Variants in IGF1R observed in about 807,000 individuals in gnomAD.
IGF1R encodes insulin like growth factor 1 receptor.
A neutral mutation model predicts 144.6 loss-of-function variants in IGF1R; 44 were observed. The observed-to-expected ratio is 0.30, with a 90% CI of 0.24 to 0.39. The LOEUF (loss-of-function observed/expected upper bound fraction) is 0.39, where lower values mean the gene tolerates loss of function less well. IGF1R is among the 10% of genes least tolerant of loss of function. IGF1R has a pLI of 1.00. For missense variants in IGF1R, 1,355 were observed against 1,833.7 expected, an observed-to-expected ratio of 0.74 and a Z score of 4.77; for synonymous variants, 795 against 722.8, an observed-to-expected ratio of 1.10 and a Z score of -1.60.
At chr15:98,688,213 C>G (rs549728336) in intron 1 of IGF1R, among the ~76,000 whole-genome samples, 179 of 152,240 alleles carry the variant, frequency 1.2e-3, no homozygotes, top group Non-Finnish European at 1.8e-3. Flanking sequence ...CTGGCCAGCC[C>G]TGGCCCAAGT....
intron 2 of IGF1R, among the ~76,000 whole-genome samples, chr15:98,734,362 C>G (rs1276567791): frequency 6.6e-6 from 1 of 152,094 alleles, no homozygotes; most frequent in Non-Finnish European, 1.5e-5. Context: ...GTAAGTCGGC[C>G]TTGGTTAAGT....
chr15:98,948,104 T>G lies in IGF1R; in HGVS notation c.3588-470T>G, dbSNP rs1027434026. ...AAATTGTCTGATTGTAAAAATCACCTGAGGAGCTTGGTAAAGCTTGACTGT... is the reference window on the plus strand; with the variant it reads ...AAATTGTCTGATTGTAAAAATCACCGGAGGAGCTTGGTAAAGCTTGACTGT... On this transcript the variant is annotated intron_variant, in intron 19 of 20. Transcript: ENST00000650285. Among the ~76,000 whole-genome samples, 4 of 152,304 alleles carry G rather than the reference T, an allele frequency of 2.6e-5. 1 individual carries two copies. The highest frequency in any genetic ancestry group is 9.6e-5 in the African/African-American group (4 of 41,562).
intron 1 of IGF1R, among the ~76,000 whole-genome samples, chr15:98,680,864 CTTTTTT>C (rs71149411): frequency 7.0e-6 from 1 of 142,542 alleles, no homozygotes; most frequent in Non-Finnish European, 1.5e-5. Context: ...GCCATATGTA[CTTTTTT>C]TTTTTTTTTA....
chr15:98,918,881 G>GA (rs954016225), intron 10 of IGF1R, among the ~76,000 whole-genome samples: 58 of 148,190 alleles, frequency 3.9e-4, no homozygotes, highest in African/African-American at 8.6e-4. Flanking sequence ...TCCATCTCAA[G>GA]AAAAAAAAAA....
At chr15:98,737,206 A>G (rs1047882772) in intron 2 of IGF1R, among the ~76,000 whole-genome samples, 1 of 152,192 alleles carries the variant, frequency 6.6e-6, no homozygotes, top group Non-Finnish European at 1.5e-5. Flanking sequence ...TGACTTACAC[A>G]GTGGTAAACA....
At chr15:98,901,081 T>G (rs1259056678) in intron 5 of IGF1R, among the ~76,000 whole-genome samples, 11 of 152,246 alleles carry the variant, frequency 7.2e-5, no homozygotes. Flanking sequence ...AGCCTGATTT[T>G]TATTTGCAAG....
At chr15:98,751,562 G>T (rs1479531165) in intron 2 of IGF1R, among the ~76,000 whole-genome samples, 2 of 152,124 alleles carry the variant, frequency 1.3e-5, no homozygotes, top group East Asian at 3.8e-4. Context: ...TTGGGCATTT[G>T]CATTGGTCCC....
chr15:98,787,031 A>G (rs1331703120), intron 2 of IGF1R, among the ~76,000 whole-genome samples: 1 of 152,198 alleles, frequency 6.6e-6, no homozygotes, highest in Admixed American at 6.5e-5. Context: ...TGTAGTTTAA[A>G]TATCCACAAG....
At chr15:98,862,086 G>T (rs1209777527) in intron 2 of IGF1R, among the ~76,000 whole-genome samples, 1 of 152,196 alleles carries the variant, frequency 6.6e-6, no homozygotes, top group Non-Finnish European at 1.5e-5. Context: ...ACATAGTGGT[G>T]GATCAGGAAA....
intron 5 of IGF1R, among the ~76,000 whole-genome samples, chr15:98,903,718 C>G (rs28708678): frequency 0.018 from 2,723 of 152,272 alleles, 82 homozygotes; most frequent in African/African-American, 0.06. Context: ...TGAAATGTGG[C>G]ACAAAGGACA....
At chr15:98,930,514 CTG>C (rs1419699270) in intron 15 of IGF1R, among the ~76,000 whole-genome samples, 2 of 151,882 alleles carry the variant, frequency 1.3e-5, no homozygotes, top group African/African-American at 4.8e-5. Flanking sequence ...ACTTGTGGGA[CTG>C]TATGGGGTGC....
chr15:98,945,821 G>A lies in IGF1R; in HGVS notation c.3588-2753G>A, dbSNP rs143223873. ...GTTGTCACATTAAGCTGTGAAGGAC[G>A]ACTGACTCTAGCACTCAGTGGTCCT... is the stretch of plus-strand genomic sequence containing the variant. On this transcript the variant is annotated intron_variant, in intron 19 of 20. Transcript: ENST00000650285. Among the ~76,000 whole-genome samples the A allele has an allele frequency of 1.0e-3, 158 of 152,254 alleles. 1 individual carries two copies. The East Asian group carries it at 0.018, about 17-fold the overall frequency.
intron 1 of IGF1R, among the ~76,000 whole-genome samples, chr15:98,658,746 CT>C (rs1009907601): frequency 2.0e-5 from 3 of 152,270 alleles, no homozygotes; most frequent in Middle Eastern, 3.4e-3. Flanking sequence ...TTTCCCATTA[CT>C]CCTTTTGAGT....
intron 1 of IGF1R, among the ~76,000 whole-genome samples, chr15:98,701,498 G>A (rs553827815): frequency 2.4e-4 from 36 of 151,688 alleles, no homozygotes; most frequent in Non-Finnish European, 4.3e-4. Context: ...CACCACACCC[G>A]GCTAATTTTG....
At chr15:98,907,805 A>C (rs996037726) in intron 5 of IGF1R, among the ~76,000 whole-genome samples, 4 of 152,192 alleles carry the variant, frequency 2.6e-5, no homozygotes, top group Admixed American at 2.0e-4. Flanking sequence ...CTGGGGCAGA[A>C]GCCACGTCTG....
At chr15:98,683,490 G>C (rs1467478004) in intron 1 of IGF1R, among the ~76,000 whole-genome samples, 1 of 152,224 alleles carries the variant, frequency 6.6e-6, no homozygotes, top group Non-Finnish European at 1.5e-5. Context: ...GCATTGCCCA[G>C]TTGTGTTACA....
At chr15:98,922,857 A>G (rs905603762) in intron 11 of IGF1R, among the ~76,000 whole-genome samples, 1 of 152,212 alleles carries the variant, frequency 6.6e-6, no homozygotes, top group South Asian at 2.1e-4. Context: ...CTCCTGGAGC[A>G]GCCTCTGGTC....
chr15:98,821,387 C>A (rs1181001908), intron 2 of IGF1R, among the ~76,000 whole-genome samples: 1 of 150,428 alleles, frequency 6.6e-6, no homozygotes, highest in African/African-American at 2.4e-5. Flanking sequence ...TAAATATTAA[C>A]GTGTATATAA....
At chr15:98,778,023 C>CA (rs1297483398) in intron 2 of IGF1R, among the ~76,000 whole-genome samples, 1 of 152,188 alleles carries the variant, frequency 6.6e-6, no homozygotes, top group African/African-American at 2.4e-5. Flanking sequence ...TACTGCATGA[C>CA]AGAGTGTTCA....
Sources: allele counts gnomAD v4.1 joint callset (sites outside exome capture counted in the v4.1 genomes callset), GRCh38; gene constraint gnomAD v4.1.1; transcripts MANE v1.5; gene names NCBI Gene and HGNC (gene_info 2026-07-23, HGNC 2026-07-21).